GALNT13: variants seen among roughly 807,000 people sequenced by gnomAD.
The protein encoded by GALNT13 is polypeptide N-acetylgalactosaminyltransferase 13.
In GALNT13, 28 loss-of-function variants were observed where a neutral mutation model predicts 64.2. The observed-to-expected ratio is 0.44, with a 90% CI of 0.32 to 0.60. GALNT13 has a LOEUF of 0.60. GALNT13 is among the 20% of genes least tolerant of loss of function. The probability of loss-of-function intolerance (pLI) is 0.05; values close to 1 mark genes in which losing one functional copy is unlikely to be tolerated. For synonymous variants in GALNT13, 214 were observed against 224.6 expected (o/e 0.95, Z 0.42); for missense variants, 577 against 669.8 (o/e 0.86, Z 1.53).
At chr2:153,965,343 C>G (rs897627269) in intron 3 of GALNT13, among the ~76,000 whole-genome samples, 7 of 152,114 alleles carry the variant, frequency 4.6e-5, no homozygotes, top group African/African-American at 9.6e-5. Context: ...TCTTTTCTAC[C>G]CCTACCACAT....
chr2:153,434,573 A>T, the GALNT13 span, among the ~76,000 whole-genome samples: 1 of 152,104 alleles, frequency 6.6e-6, no homozygotes, highest in African/African-American at 2.4e-5. Flanking sequence ...CATTTCTCTG[A>T]TGGCCAGTGA....
chr2:153,463,847 A>AT, the GALNT13 span, among the ~76,000 whole-genome samples: 1 of 152,056 alleles, frequency 6.6e-6, no homozygotes, highest in African/African-American at 2.4e-5. Flanking sequence ...CCAAAGTGGT[A>AT]TTTTATGAGG....
At chr2:153,515,590 T>C in the GALNT13 span, among the ~76,000 whole-genome samples, 1 of 152,194 alleles carries the variant, frequency 6.6e-6, no homozygotes, top group South Asian at 2.1e-4. Context: ...TTAAAACTTC[T>C]ACTGAGAAAG....
chr2:154,093,882 A>G (rs529841641), intron 3 of GALNT13, among the ~76,000 whole-genome samples: 10 of 151,624 alleles, frequency 6.6e-5, no homozygotes, highest in African/African-American at 2.4e-4. Flanking sequence ...CCCATCCCCC[A>G]TCAATCTGCT....
At chr2:153,673,865 C>T in the GALNT13 span, among the ~76,000 whole-genome samples, 1 of 152,166 alleles carries the variant, frequency 6.6e-6, no homozygotes, top group African/African-American at 2.4e-5. Context: ...TCTCAGGATA[C>T]AGAATCACTG....
chr2:153,200,498 C>T, the GALNT13 span, among the ~76,000 whole-genome samples: 2 of 152,122 alleles, frequency 1.3e-5, no homozygotes, highest in Admixed American at 6.5e-5. Context: ...AGAAATGGCA[C>T]ATTAGAGAAA....
the GALNT13 span, chr2:153,449,783 AAC>A: frequency 1.4e-3 from 209 of 152,632 alleles, 3 homozygotes; most frequent in Non-Finnish European, 3.2e-4. Context: ...AGAGGGGAGA[AAC>A]AGTGTCCTCA....
At chr2:153,949,112 A>T (rs746125776) in intron 3 of GALNT13, among the ~76,000 whole-genome samples, 1 of 152,134 alleles carries the variant, frequency 6.6e-6, no homozygotes, top group African/African-American at 2.4e-5. Context: ...AACATGTTAT[A>T]CAAGTTTGTA....
the GALNT13 span, among the ~76,000 whole-genome samples, chr2:153,386,075 G>T: frequency 1.3e-5 from 2 of 151,810 alleles, no homozygotes; most frequent in African/African-American, 4.8e-5. Context: ...AGATTTGGGG[G>T]GGTTTTTTGT....
the GALNT13 span, among the ~76,000 whole-genome samples, chr2:153,737,126 G>A: frequency 6.6e-6 from 1 of 152,194 alleles, no homozygotes. Flanking sequence ...AAGCATGCGT[G>A]CCTGGTGGCT....
the GALNT13 span, chr2:153,477,278 A>G: frequency 6.6e-6 from 1 of 152,544 alleles, no homozygotes; most frequent in Non-Finnish European, 1.5e-5. Flanking sequence ...CAGACTCCTC[A>G]CCGCCGCCCC....
chr2:153,209,302 C>A, the GALNT13 span, among the ~76,000 whole-genome samples: 1 of 151,850 alleles, frequency 6.6e-6, no homozygotes, highest in Non-Finnish European at 1.5e-5. Flanking sequence ...TTTTTCCTCG[C>A]CCTGTCTTAT....
At chr2:153,584,690 A>T in the GALNT13 span, among the ~76,000 whole-genome samples, 1 of 152,182 alleles carries the variant, frequency 6.6e-6, no homozygotes, top group Non-Finnish European at 1.5e-5. Flanking sequence ...TGCACAGAAA[A>T]CAAGGATAGA....
the GALNT13 span, among the ~76,000 whole-genome samples, chr2:153,864,742 AT>A: frequency 1.9e-4 from 29 of 151,006 alleles, no homozygotes; most frequent in African/African-American, 7.1e-4. Context: ...GCCCAAGGTA[AT>A]TTACAGATTC....
At chr2:153,317,923 C>T in the GALNT13 span, among the ~76,000 whole-genome samples, 1 of 151,734 alleles carries the variant, frequency 6.6e-6, no homozygotes, top group Admixed American at 6.6e-5. Flanking sequence ...AGCATTCTCT[C>T]TGGGTATGTA....
the GALNT13 span, among the ~76,000 whole-genome samples, chr2:153,680,605 G>T: frequency 6.6e-6 from 1 of 151,872 alleles, no homozygotes; most frequent in African/African-American, 2.4e-5. Context: ...TCATAAACTT[G>T]ATCACATCTG....
intron 4 of GALNT13, among the ~76,000 whole-genome samples, chr2:154,200,849 A>C (rs1187787755): frequency 6.6e-6 from 1 of 152,154 alleles, no homozygotes; most frequent in East Asian, 1.9e-4. Flanking sequence ...AAACTTGACT[A>C]ACATACATGA....
At chr2:154,062,184 G>GT (rs1700222960) in intron 3 of GALNT13, among the ~76,000 whole-genome samples, 1 of 152,144 alleles carries the variant, frequency 6.6e-6, no homozygotes, top group African/African-American at 2.4e-5. Flanking sequence ...ATGTGCCAGA[G>GT]TTTAGTGTTC....
chr2:153,221,212 C>G, the GALNT13 span, among the ~76,000 whole-genome samples: 1 of 152,080 alleles, frequency 6.6e-6, no homozygotes, highest in Non-Finnish European at 1.5e-5. Context: ...ACCCGGGAGG[C>G]GGAGGTTGCT....
Sources: allele counts gnomAD v4.1 joint callset (sites outside exome capture counted in the v4.1 genomes callset), GRCh38; gene constraint gnomAD v4.1.1; transcripts MANE v1.5; gene names NCBI Gene and HGNC (gene_info 2026-07-23, HGNC 2026-07-21).